RMP64: variants seen among roughly 807,000 people sequenced by gnomAD.
RMP64 encodes ribonuclease MRP subunit p64, also known as nucleolus and neural progenitor protein.
the RMP64 span, among the ~76,000 whole-genome samples, chr3:113,018,297 T>C: frequency 2.0e-5 from 3 of 152,232 alleles, no homozygotes; most frequent in African/African-American, 7.2e-5. Flanking sequence ...ATTTTCTTAC[T>C]GTCCCAACAA....
chr3:113,005,696 A>T, the RMP64 span: 47 of 1,613,986 alleles, frequency 2.9e-5, no homozygotes, highest in Non-Finnish European at 3.9e-5. Context: ...AGTTTGTATG[A>T]CAGGCATTGA....
the RMP64 span, among the ~76,000 whole-genome samples, chr3:113,010,205 G>A: frequency 0.054 from 8,181 of 152,094 alleles, 535 homozygotes; most frequent in East Asian, 0.18. Context: ...ACTACCGAAC[G>A]CTTTACATGC....
chr3:113,013,428 T>C, the RMP64 span: 2 of 1,544,172 alleles, frequency 1.3e-6, no homozygotes, highest in Non-Finnish European at 1.7e-6. Flanking sequence ...AAAAAGTACA[T>C]TACTTTCACT....
chr3:113,005,657 C>G, the RMP64 span: 1 of 1,613,734 alleles, frequency 6.2e-7, no homozygotes, highest in Non-Finnish European at 8.5e-7. Context: ...ATGGATGCCT[C>G]TAAGATTTTC....
chr3:113,008,060 A>C, the RMP64 span: 20 of 898,210 alleles, frequency 2.2e-5, no homozygotes, highest in East Asian at 5.0e-4. Flanking sequence ...ATCCCAATTT[A>C]GCCCCGCTGC....
the RMP64 span, among the ~76,000 whole-genome samples, chr3:113,017,933 C>T: frequency 6.6e-6 from 1 of 152,212 alleles, no homozygotes; most frequent in African/African-American, 2.4e-5. Context: ...CATGTGTACA[C>T]TTAACCCCCA....
chr3:113,011,323 T>C, the RMP64 span: 1 of 1,613,508 alleles, frequency 6.2e-7, no homozygotes, highest in East Asian at 2.2e-5. Context: ...AGGCATTGGT[T>C]GAATCCTAGC....
At chr3:113,010,436 T>C in the RMP64 span, 2 of 526,460 alleles carry the variant, frequency 3.8e-6, no homozygotes, top group African/African-American at 3.9e-5. Context: ...TACTAAAATA[T>C]TTCTGAAGGT....
At chr3:113,019,556 G>C in the RMP64 span, 3 of 1,613,296 alleles carry the variant, frequency 1.9e-6, no homozygotes, top group Non-Finnish European at 2.5e-6. Flanking sequence ...GGCCGCGCCG[G>C]GGTTCTGCAC....
At chr3:113,013,037 A>T in the RMP64 span, 1 of 619,008 alleles carries the variant, frequency 1.6e-6, no homozygotes, top group Non-Finnish European at 2.9e-6. Context: ...TTCTAAGATT[A>T]AGAATTTCTA....
At chr3:113,004,225 AGT>A in the RMP64 span, 38 of 152,344 alleles carry the variant, frequency 2.5e-4, 1 homozygote, top group African/African-American at 8.7e-4. Context: ...GAGAAGCTAA[AGT>A]AGTGTTTATA....
At chr3:113,010,608 A>C in the RMP64 span, 1 of 1,565,654 alleles carries the variant, frequency 6.4e-7, no homozygotes, top group Non-Finnish European at 8.8e-7. Context: ...AAATTAGCAG[A>C]AATCATAAGC....
chr3:113,013,839 C>A, the RMP64 span: 3 of 777,676 alleles, frequency 3.9e-6, no homozygotes, highest in Non-Finnish European at 4.4e-6. Flanking sequence ...ATTTATACAG[C>A]TGAGGTATAA....
chr3:113,011,352 A>G, the RMP64 span: 1 of 1,608,260 alleles, frequency 6.2e-7, no homozygotes, highest in Non-Finnish European at 8.5e-7. Flanking sequence ...GAAGCAATCC[A>G]AACAAAGGCT....
the RMP64 span, chr3:113,012,833 G>A: frequency 2.1e-6 from 3 of 1,431,698 alleles, no homozygotes; most frequent in South Asian, 1.2e-5. Flanking sequence ...ATTTAAGGTA[G>A]AAAACAAAAT....
chr3:113,013,452 T>A, the RMP64 span: 1 of 1,254,246 alleles, frequency 8.0e-7, no homozygotes, highest in Non-Finnish European at 1.1e-6. Context: ...AAAAAAAGGG[T>A]TTTTTTTTTG....
chr3:113,016,419 G>C, the RMP64 span, among the ~76,000 whole-genome samples: 6 of 123,450 alleles, frequency 4.9e-5, no homozygotes, highest in African/African-American at 1.5e-4. Flanking sequence ...CTTATGGACT[G>C]CCTGGATGGG....
At chr3:113,015,506 T>C in the RMP64 span, among the ~76,000 whole-genome samples, 8 of 152,164 alleles carry the variant, frequency 5.3e-5, no homozygotes, top group Non-Finnish European at 1.0e-4. Flanking sequence ...ACTAGATTTT[T>C]AGCAACTAGA....
At chr3:113,019,654 C>CG in the RMP64 span, 11 of 1,595,120 alleles carry the variant, frequency 6.9e-6, no homozygotes, top group African/African-American at 4.0e-5. Flanking sequence ...TCATGCGAGG[C>CG]GGGGGGACTT....
Sources: gnomAD v4.1 joint callset for allele counts (sites outside exome capture counted in the v4.1 genomes callset) on GRCh38, gnomAD v4.1.1 for gene constraint, MANE v1.5 for transcripts, NCBI Gene and HGNC (gene_info 2026-07-23, HGNC 2026-07-21) for gene names.